Variants in DLG2 observed in about 807,000 individuals in gnomAD.
The protein encoded by DLG2 is discs large MAGUK scaffold protein 2.
DLG2 carries 45 observed loss-of-function variants against 132.5 expected under a neutral mutation model. The observed-to-expected ratio is 0.34, with a 90% CI of 0.27 to 0.44. DLG2 has a LOEUF of 0.44. DLG2 is among the 20% of genes least tolerant of loss of function. The pLI is 1.00. For missense variants in DLG2, 1,045 were observed against 1,196.9 expected (o/e 0.87, Z 1.87); for synonymous variants, 424 against 419.6 (o/e 1.01, Z -0.13).
At chr11:84,827,676 CAAAAAA>C (rs398016953) in intron 6 of DLG2, among the ~76,000 whole-genome samples, 2 of 35,090 alleles carry the variant, frequency 5.7e-5, no homozygotes, top group Admixed American at 4.0e-4. Flanking sequence ...TACATACAGT[CAAAAAA>C]AAAAAAAAAA....
At chr11:83,759,601 C>T (rs1226512292) in intron 18 of DLG2, among the ~76,000 whole-genome samples, 1 of 152,046 alleles carries the variant, frequency 6.6e-6, no homozygotes, top group Non-Finnish European at 1.5e-5. Context: ...TACACTCATG[C>T]GGCTGTCATA....
intron 3 of DLG2, among the ~76,000 whole-genome samples, chr11:85,287,430 T>C (rs1220700480): frequency 2.0e-5 from 3 of 152,228 alleles, no homozygotes; most frequent in East Asian, 1.9e-4. Context: ...CTCGACCTCA[T>C]TGGTGATAAA....
At chr11:84,917,856 G>C (rs2092563051) in intron 6 of DLG2, among the ~76,000 whole-genome samples, 1 of 152,034 alleles carries the variant, frequency 6.6e-6, no homozygotes, top group Non-Finnish European at 1.5e-5. Flanking sequence ...CATACTAAAG[G>C]AGTCCAGTAA....
intron 6 of DLG2, among the ~76,000 whole-genome samples, chr11:84,745,647 C>T (rs1011980563): frequency 6.6e-6 from 1 of 152,008 alleles, no homozygotes; most frequent in Non-Finnish European, 1.5e-5. Flanking sequence ...CGGGATAGCT[C>T]CTCTATAAGC....
chr11:84,158,972 G>C (rs1269284924), intron 9 of DLG2, among the ~76,000 whole-genome samples: 1 of 152,202 alleles, frequency 6.6e-6, no homozygotes, highest in Non-Finnish European at 1.5e-5. Context: ...ATTATAAACA[G>C]TTTAGCCTCA....
chr11:84,731,146 TG>T (rs1270316843), intron 6 of DLG2, among the ~76,000 whole-genome samples: 1 of 152,102 alleles, frequency 6.6e-6, no homozygotes, highest in Non-Finnish European at 1.5e-5. Flanking sequence ...CAATCTCAAA[TG>T]TAATGCATTG....
intron 6 of DLG2, among the ~76,000 whole-genome samples, chr11:84,627,655 C>T (rs956743976): frequency 6.6e-6 from 1 of 152,114 alleles, no homozygotes; most frequent in East Asian, 1.9e-4. Context: ...GCCATAAATA[C>T]CTGAGACTGG....
Position 84,425,013 on chromosome 11 carries a change from TC to T in DLG2, c.519+109556del, listed in dbSNP as rs541946314. Among the ~76,000 whole-genome samples, 3 of 152,250 alleles carry T rather than the reference TC, an allele frequency of 2.0e-5. No individual in the cohort carries two copies. In the East Asian group the frequency reaches 5.8e-4, roughly 29 times the overall value. On this transcript the variant is annotated intron_variant, in intron 7 of 27. Coordinates refer to ENST00000376104, the MANE Select transcript of DLG2 (RefSeq NM_001142699.3). ...AGTGTTTGCCTTAATTGTGTATGCT[TC>T]TTTTTAGATTTTTCCAATCTATACC...
intron 15 of DLG2, among the ~76,000 whole-genome samples, chr11:83,908,730 A>G (rs2075497374): frequency 6.7e-6 from 1 of 150,218 alleles, no homozygotes; most frequent in Non-Finnish European, 1.5e-5. Context: ...GAAGGGACTC[A>G]ATATGCAGCA....
intron 6 of DLG2, among the ~76,000 whole-genome samples, chr11:84,592,252 T>C (rs558563156): frequency 5.9e-5 from 9 of 152,318 alleles, no homozygotes; most frequent in African/African-American, 2.2e-4. Flanking sequence ...TGGGGACATT[T>C]GTGAGTATTG....
chr11:85,276,605 C>T (rs2077906342), intron 4 of DLG2, among the ~76,000 whole-genome samples: 3 of 152,192 alleles, frequency 2.0e-5, no homozygotes, highest in Non-Finnish European at 1.5e-5. Flanking sequence ...AGCTGTACCG[C>T]CATGACTCAT....
At chr11:84,035,475 T>C (rs950025066) in intron 11 of DLG2, among the ~76,000 whole-genome samples, 6 of 152,190 alleles carry the variant, frequency 3.9e-5, no homozygotes, top group African/African-American at 1.4e-4. Flanking sequence ...GCACAAAGAA[T>C]AGCCAACTAC....
At chr11:85,316,643 A>G (rs2080696778) in intron 3 of DLG2, among the ~76,000 whole-genome samples, 1 of 151,964 alleles carries the variant, frequency 6.6e-6, no homozygotes. Flanking sequence ...AAGATAGGAT[A>G]CAACTGGGTA....
chr11:83,489,605 G>A (rs550174613), intron 21 of DLG2, among the ~76,000 whole-genome samples: 13 of 151,956 alleles, frequency 8.6e-5, no homozygotes, highest in African/African-American at 2.9e-4. Context: ...GTGTAATAAC[G>A]GCATTATGGT....
chr11:84,518,388 T>C (rs2099280056), intron 7 of DLG2, among the ~76,000 whole-genome samples: 1 of 152,050 alleles, frequency 6.6e-6, no homozygotes, highest in African/African-American at 2.4e-5. Flanking sequence ...TAATGAGTGT[T>C]CATAGACAGT....
intron 3 of DLG2, among the ~76,000 whole-genome samples, chr11:85,550,431 G>C (rs757250371): frequency 1.3e-5 from 2 of 152,256 alleles, no homozygotes; most frequent in Non-Finnish European, 2.9e-5. Flanking sequence ...TCTGGTTCCT[G>C]CACCCACTCA....
At chr11:85,264,603 G>A (rs1429706545) in intron 4 of DLG2, among the ~76,000 whole-genome samples, 2 of 152,076 alleles carry the variant, frequency 1.3e-5, no homozygotes, top group Non-Finnish European at 2.9e-5. Context: ...ATTGATGAGG[G>A]CCATTGCTAT....
At chr11:84,312,153 G>A (rs2098293985) in intron 7 of DLG2, among the ~76,000 whole-genome samples, 1 of 152,198 alleles carries the variant, frequency 6.6e-6, no homozygotes, top group Admixed American at 6.5e-5. Context: ...TGAGGTAGGT[G>A]TTATTTATAT....
At chr11:83,483,404 C>A in intron 22 of DLG2, 1 of 809,858 alleles carries the variant, frequency 1.2e-6, no homozygotes, top group Admixed American at 2.0e-5. Context: ...ACAGACCGTG[C>A]TGCCTTAACA....
Sources: gnomAD v4.1 joint callset for allele counts (sites outside exome capture counted in the v4.1 genomes callset) on GRCh38, gnomAD v4.1.1 for gene constraint, MANE v1.5 for transcripts, NCBI Gene and HGNC (gene_info 2026-07-23, HGNC 2026-07-21) for gene names.